The following PDGFB variants were observed in gnomAD, a reference collection of about 807,000 sequenced individuals.
PDGFB encodes the protein platelet-derived growth factor subunit B.
A neutral mutation model predicts 29.0 loss-of-function variants in PDGFB; 6 were observed. The observed-to-expected ratio is 0.21, with a 90% CI of 0.11 to 0.41. PDGFB has a LOEUF of 0.41. PDGFB is among the 10% of genes least tolerant of loss of function. The pLI, the probability that PDGFB is intolerant of heterozygous loss-of-function variation, is 1.00. For missense variants in PDGFB, 299 were observed against 341.8 expected, an observed-to-expected ratio of 0.87 and a Z score of 0.99; for synonymous variants, 144 against 140.8, an observed-to-expected ratio of 1.02 and a Z score of -0.16.
At chr22:39,240,902 C>CTCTA in intron 1 of PDGFB, 1 of 1,603,158 alleles carries the variant, frequency 6.2e-7, no homozygotes. Context: ...CAGTCTCTCT[C>CTCTA]TCTCTCTCTC....
intron 1 of PDGFB, chr22:39,240,823 G>C: frequency 6.2e-7 from 1 of 1,612,346 alleles, no homozygotes; most frequent in Non-Finnish European, 8.5e-7. Flanking sequence ...TCAATGTGGG[G>C]AGGGGAAGAC....
rs34953400 is a variant in PDGFB at position 39,228,886 on chromosome 22, C to CAAAAAAAAAAAAA, written c.601+1197_601+1198insTTTTTTTTTTTTT. Among the ~76,000 whole-genome samples the CAAAAAAAAAAAAA allele has an allele frequency of 1.3e-3, 97 of 72,546 alleles. 1 individual carries two copies. Among genetic ancestry groups the CAAAAAAAAAAAAA allele is most frequent in the Non-Finnish European group, 2.8e-3 (72 of 26,020 alleles). 47.6% of individuals were successfully genotyped at this position (72,546 alleles called of 152,430 possible). On this transcript the variant is annotated intron_variant, in intron 5 of 6. Transcript: ENST00000331163. ...ACTGCGTGACAGGGTGAGACTGCCTCAAAAAAAATATATATATATATAGAT... is the reference window on the plus strand; with the variant it reads ...ACTGCGTGACAGGGTGAGACTGCCTCAAAAAAAAAAAAAAAAAAAAATATATATATATATAGAT...
intron 4 of PDGFB, among the ~76,000 whole-genome samples, 190 bp from the exon 5 acceptor site, chr22:39,230,418 G>A (rs561132568): frequency 7.6e-4 from 116 of 152,360 alleles, no homozygotes; most frequent in African/African-American, 2.7e-3. Context: ...CCTTCTCGTA[G>A]CTTTTCCATC....
At chr22:39,240,816 A>G (rs754347681) in intron 1 of PDGFB, 8 of 1,609,458 alleles carry the variant, frequency 5.0e-6, no homozygotes, top group South Asian at 2.2e-5. Flanking sequence ...AGGCTCCTCA[A>G]TGTGGGGAGG....
Position 39,225,106 on chromosome 22 carries a change from CCTT to C in PDGFB, c.*233_*235del, listed in dbSNP as rs1156640937. ...GAAGAAGATGGCGATGGAGTTCAGT[CCTT>C]CTTTTTCTTCTTGAGCTGCTGGGCA... On this transcript the variant is annotated 3_prime_UTR_variant, in exon 7 of 7. Coordinates refer to ENST00000331163, the MANE Select transcript of PDGFB (RefSeq NM_002608.4). 6.5e-6 allele frequency: 1 copy of C among 152,754 alleles called. No individual in the cohort carries two copies. The highest frequency in any genetic ancestry group is 1.9e-4 in the East Asian group (1 of 5,266). The allele number at this position is 152,754 out of a possible 1,614,324, so 9.5% of individuals were successfully genotyped here.
At chr22:39,237,443 G>A (rs1932472401) in intron 1 of PDGFB, among the ~76,000 whole-genome samples, 1 of 152,204 alleles carries the variant, frequency 6.6e-6, no homozygotes, top group Non-Finnish European at 1.5e-5. Context: ...GCAGGGCTTG[G>A]CTGAGAACTA....
chr22:39,243,269 TCTCTTTCTCTCTC>T lies in PDGFB; in HGVS notation c.63+619_63+631del, dbSNP rs1932614538. 5.6e-5 allele frequency among the ~76,000 whole-genome samples: 8 copies of T among 142,836 alleles called. No individual in the cohort carries two copies. The highest frequency in any genetic ancestry group is 2.3e-4 in the South Asian group (1 of 4,296). The allele number at this position is 142,836 out of a possible 152,430, so 93.7% of individuals were successfully genotyped here. Reference sequence around the variant, plus strand: ...CTCTCTCCGTCTCTCTCTCTCTCTCTCTCTTTCTCTCTCTCTCTCTCTCTCTCCCTGTTACTCC... The same window carrying T: ...CTCTCTCCGTCTCTCTCTCTCTCTCTTCTCTCTCTCTCTCCCTGTTACTCC... On this transcript the variant is annotated intron_variant, in intron 1 of 6. Transcript: ENST00000331163. The surrounding 1 kb of genome is among the most constrained non-coding windows in gnomAD (Gnocchi z 6.4).
At chr22:39,228,818 G>A (rs1388428377) in intron 5 of PDGFB, among the ~76,000 whole-genome samples, 1 of 151,220 alleles carries the variant, frequency 6.6e-6, no homozygotes, top group African/African-American at 2.4e-5. Flanking sequence ...GAACCCAGGA[G>A]GTAGAGGTTG....
Position 39,244,545 on chromosome 22 carries a change from G to T in PDGFB, c.-582C>A, listed in dbSNP as rs902583592. Reference sequence around the variant, plus strand: ...CAGGGAGAGGTGCAAACTCCCGCCCGGGCCGGGTAGGGGGGCGGGAGCGTG... The same window carrying T: ...CAGGGAGAGGTGCAAACTCCCGCCCTGGCCGGGTAGGGGGGCGGGAGCGTG... On this transcript the variant is annotated 5_prime_UTR_variant, in exon 1 of 7. Coordinates refer to ENST00000331163, the MANE Select transcript of PDGFB (RefSeq NM_002608.4). The surrounding 1 kb of genome is among the most constrained non-coding windows in gnomAD (Gnocchi z 4.5). 1.8e-5 allele frequency: 3 copies of T among 163,472 alleles called. No homozygotes were observed. The highest frequency in any genetic ancestry group is 7.2e-5 in the African/African-American group (3 of 41,620). The allele number at this position is 163,472 out of a possible 1,614,324, so 10.1% of individuals were successfully genotyped here.
intron 3 of PDGFB, among the ~76,000 whole-genome samples, chr22:39,233,109 G>A (rs535482032): frequency 3.5e-4 from 53 of 152,302 alleles, no homozygotes; most frequent in Non-Finnish European, 5.3e-4. Context: ...GTGTGACCTC[G>A]CCTAGTTCTT....
At chr22:39,237,944 A>T (rs1932484510) in intron 1 of PDGFB, among the ~76,000 whole-genome samples, 1 of 152,252 alleles carries the variant, frequency 6.6e-6, no homozygotes, top group South Asian at 2.1e-4. Context: ...CAGAAGGAGA[A>T]CAAGAAGCGT....
At position 39,225,794 on chromosome 22, in the gene PDGFB, G is replaced by C; in HGVS notation, c.655C>G (p.Pro219Ala). 6.2e-7 allele frequency: 1 copy of C among 1,614,172 alleles called. No homozygotes were observed. The highest frequency in any genetic ancestry group is 8.5e-7 in the Non-Finnish European group (1 of 1,180,020). ...TTGAATTTCCGGTGCTTGCCCTTGG[G>C]GGGCCGGCGGACTCGCACCGTCCGA... is the stretch of plus-strand genomic sequence containing the variant. ...TIRTVRVRRPPKGKHRKFKHT... is the reference protein window; with the variant it reads ...TIRTVRVRRPAKGKHRKFKHT... Residue 219 changes from proline (P) to alanine (A), a missense_variant, in exon 6 of 7, where the codon CCC becomes GCC. By Grantham distance (27) the Pro-to-Ala change is conservative. Coordinates refer to ENST00000331163, the MANE Select transcript of PDGFB (RefSeq NM_002608.4).
chr22:39,230,743 C>G (rs952806915), intron 4 of PDGFB, among the ~76,000 whole-genome samples: 2 of 152,170 alleles, frequency 1.3e-5, no homozygotes, highest in Admixed American at 1.3e-4. Context: ...GGGGCCCAAG[C>G]CAGGGAGGGA....
At chr22:39,240,937 A>G (rs1226106574) in intron 1 of PDGFB, 5 of 1,351,598 alleles carry the variant, frequency 3.7e-6, no homozygotes, top group Non-Finnish European at 4.1e-6. Flanking sequence ...ACACACACAC[A>G]CACACTCTCT....
At chr22:39,226,574 AACCCCCAG>A (rs1932171424) in intron 5 of PDGFB, among the ~76,000 whole-genome samples, 1 of 152,264 alleles carries the variant, frequency 6.6e-6, no homozygotes, top group African/African-American at 2.4e-5. Flanking sequence ...GAGCCCAGTC[AACCCCCAG>A]ACCTGGGAAA....
chr22:39,225,337 A>G (rs7289923), intron 6 of PDGFB, 24 bp from the exon 7 acceptor site: 2,437 of 173,406 alleles, frequency 0.014, 67 homozygotes, highest in African/African-American at 0.056. Flanking sequence ...AGAGAGACAC[A>G]GGGGTCAGAG....
chr22:39,236,980 CAGTTTCCCTGGA>C (rs1421983068), intron 1 of PDGFB, among the ~76,000 whole-genome samples: 1 of 152,108 alleles, frequency 6.6e-6, no homozygotes, highest in Non-Finnish European at 1.5e-5. Context: ...TTTTCTGCCT[CAGTTTCCCTGGA>C]TTAAGAAGGG....
chr22:39,238,870 A>C (rs1328658666), intron 1 of PDGFB, among the ~76,000 whole-genome samples: 1 of 152,258 alleles, frequency 6.6e-6, no homozygotes, highest in Admixed American at 6.5e-5. Context: ...TGGGGTGTGC[A>C]CTGCATCTTA....
At chr22:39,232,436 C>G (rs1395089618) in intron 3 of PDGFB, among the ~76,000 whole-genome samples, 1 of 152,200 alleles carries the variant, frequency 6.6e-6, no homozygotes, top group African/African-American at 2.4e-5. Context: ...GCTCTGAGAG[C>G]TGAATATCCC....
Sources: allele counts gnomAD v4.1 joint callset (sites outside exome capture counted in the v4.1 genomes callset), GRCh38; gene constraint gnomAD v4.1.1; non-coding constraint Gnocchi (gnomAD v3.1); transcripts MANE v1.5; gene names NCBI Gene and HGNC (gene_info 2026-07-23, HGNC 2026-07-21).